PRICKLE2: variants seen among roughly 807,000 people sequenced by gnomAD.
PRICKLE2 encodes prickle-like protein 2.
Under a neutral mutation model 81.4 loss-of-function variants are expected in PRICKLE2, and 21 were observed. The observed-to-expected ratio is 0.26, with a 90% confidence interval of 0.18 to 0.37. The LOEUF (loss-of-function observed/expected upper bound fraction) is 0.37, where lower values mean the gene tolerates loss of function less well. Ranked by LOEUF, PRICKLE2 falls within the 10% of genes least tolerant of loss-of-function variation. The pLI is 1.00. For synonymous variants in PRICKLE2, 456 were observed against 421.5 expected (o/e 1.08, Z -1.00); for missense variants, 940 against 1,109.0 (o/e 0.85, Z 2.16).
intron 7 of PRICKLE2, among the ~76,000 whole-genome samples, chr3:64,107,449 T>C (rs778293226): frequency 2.6e-5 from 4 of 152,162 alleles, no homozygotes; most frequent in Admixed American, 1.3e-4. Context: ...AAGACTAAGA[T>C]TGAACGGCAG....
chr3:64,263,165 G>T (rs1457451391), intron 2 of PRICKLE2, among the ~76,000 whole-genome samples: 1 of 152,138 alleles, frequency 6.6e-6, no homozygotes, highest in African/African-American at 2.4e-5. Context: ...CACCAAACAG[G>T]TATTCCCAAT....
intron 7 of PRICKLE2, among the ~76,000 whole-genome samples, chr3:64,143,137 A>G (rs1397999549): frequency 1.3e-5 from 2 of 152,226 alleles, no homozygotes; most frequent in Non-Finnish European, 2.9e-5. Flanking sequence ...CTCTAGCCAC[A>G]GGAGGCTATT....
At chr3:64,111,011 T>C (rs1431003383) in intron 7 of PRICKLE2, among the ~76,000 whole-genome samples, 1 of 123,988 alleles carries the variant, frequency 8.1e-6, no homozygotes. Context: ...GCTGGCAAAA[T>C]TATAAAAAGT....
rs552291140 is a variant in PRICKLE2 at position 64,149,243 on chromosome 3, C to T, written c.788-1541G>A. ...CACCATTTCCCTGCCATCTTCAGGC[C>T]GTGAGCTTTGGGTGGGGCAAAAGCT... On this transcript the variant is annotated intron_variant, in intron 6 of 7. Coordinates refer to ENST00000638394, the MANE Select transcript of PRICKLE2 (RefSeq NM_198859.4). Among the ~76,000 whole-genome samples, 12 of 152,270 alleles carry T rather than the reference C, an allele frequency of 7.9e-5. No individual in the cohort carries two copies. The East Asian group carries it at 1.2e-3, about 15-fold the overall frequency.
intron 7 of PRICKLE2, among the ~76,000 whole-genome samples, chr3:64,136,904 C>A (rs2077288243): frequency 6.6e-6 from 1 of 152,108 alleles, no homozygotes; most frequent in Non-Finnish European, 1.5e-5. Flanking sequence ...TGTGGTAACA[C>A]CCATTCAATT....
intron 7 of PRICKLE2, among the ~76,000 whole-genome samples, chr3:64,126,610 C>T (rs2077110942): frequency 6.6e-6 from 1 of 151,968 alleles, no homozygotes. Context: ...CGGAGTCTTG[C>T]TCTGTTGCCC....
At chr3:64,203,194 G>C (rs977169449) in intron 1 of PRICKLE2, among the ~76,000 whole-genome samples, 1 of 152,106 alleles carries the variant, frequency 6.6e-6, no homozygotes, top group Non-Finnish European at 1.5e-5. Context: ...GCACACCTTG[G>C]ATCTCGTTTG....
chr3:64,245,982 C>T (rs2079344619), intron 2 of PRICKLE2, among the ~76,000 whole-genome samples: 1 of 152,166 alleles, frequency 6.6e-6, no homozygotes, highest in African/African-American at 2.4e-5. Context: ...TGGTGGCTCA[C>T]ACTTGTAATC....
chr3:64,225,528 C>T (rs1020799766), upstream of PRICKLE2: 6 of 808,636 alleles, frequency 7.4e-6, no homozygotes, highest in East Asian at 3.7e-4. Context: ...GGCATCTGGA[C>T]GTCCCATCCT....
At chr3:64,171,019 A>G (rs1237581607) in intron 2 of PRICKLE2, among the ~76,000 whole-genome samples, 3 of 152,054 alleles carry the variant, frequency 2.0e-5, no homozygotes, top group African/African-American at 7.2e-5. Context: ...AACCTGGCTG[A>G]CTCTGTCTCT....
chr3:64,153,632 C>T (rs2077580666), intron 5 of PRICKLE2: 2 of 453,852 alleles, frequency 4.4e-6, no homozygotes, highest in Non-Finnish European at 8.0e-6. Context: ...GAATGTTCTA[C>T]CCTGGAGAAT....
At position 64,134,942 on chromosome 3, in the gene PRICKLE2, G is replaced by A. The variant is rs116506016; in HGVS notation, c.1660+11888C>T. Among the ~76,000 whole-genome samples, 953 of 152,270 alleles carry A rather than the reference G, an allele frequency of 6.3e-3. 11 individuals carry two copies. The highest frequency in any genetic ancestry group is 0.021 in the African/African-American group (888 of 41,536). ...AAAATTGGCACCTTTGATTTCAAAG[G>A]CAGCCACTGGGAAGTCTGCTGCTGC... On this transcript the variant is annotated intron_variant, in intron 7 of 7. Coordinates refer to ENST00000638394, the MANE Select transcript of PRICKLE2 (RefSeq NM_198859.4).
chr3:64,164,881 C>T (rs1034513039), intron 2 of PRICKLE2, among the ~76,000 whole-genome samples: 1 of 152,202 alleles, frequency 6.6e-6, no homozygotes, highest in African/African-American at 2.4e-5. Context: ...GAGACTTGCA[C>T]AGCATTCCAT....
chr3:64,255,322 G>A (rs2079510836), intron 2 of PRICKLE2, among the ~76,000 whole-genome samples: 1 of 152,218 alleles, frequency 6.6e-6, no homozygotes, highest in African/African-American at 2.4e-5. Flanking sequence ...ATGTTTAGGA[G>A]TGATCAGGAG....
chr3:64,150,186 G>A (rs995187641), intron 6 of PRICKLE2, among the ~76,000 whole-genome samples: 3 of 151,994 alleles, frequency 2.0e-5, no homozygotes, highest in African/African-American at 4.8e-5. Context: ...TCAGGACTCT[G>A]ATGAACACAG....
chr3:64,182,742 C>G (rs2078157427), intron 2 of PRICKLE2: 1 of 152,040 alleles, frequency 6.6e-6, no homozygotes, highest in Non-Finnish European at 1.5e-5. Context: ...ACAAAACAGA[C>G]TAAGACAAGT....
In PRICKLE2 at chr3:64,099,762, C is replaced by T. The variant is rs1464582740; in HGVS notation, c.1824G>A (p.Leu608=). ...QFRSAESVRS[L]LSAQQYQEME... ...TCTCCTGGTACTGCTGGGCAGAGAG[C>T]AGGCTGCGAACTGACTCTGCGCTCC... The change falls in exon 8 of 8, where the codon CTG becomes CTA. Residue 608 remains leucine (L), a synonymous_variant. Coordinates refer to ENST00000638394, the MANE Select transcript of PRICKLE2 (RefSeq NM_198859.4). The surrounding 1 kb of genome is among the most constrained non-coding windows in gnomAD (Gnocchi z 4.3). 1.2e-6 allele frequency: 2 copies of T among 1,614,188 alleles called. 1 individual carries two copies. Among genetic ancestry groups the T allele is most frequent in the Admixed American group, 3.3e-5 (2 of 60,030 alleles).
rs2077473473 is a variant in PRICKLE2 at position 64,147,350 on chromosome 3, G to A, written c.1140C>T (p.Ser380=). The change falls in exon 7 of 8, where the codon AGC becomes AGT. Residue 380 remains serine, a synonymous_variant. Transcript: ENST00000638394. This position sits in a 1 kb window ranked among gnomAD's most constrained non-coding sequence, Gnocchi z 5.0. The stretch of plus-strand genomic sequence containing the variant: ...TGAGGCTGGGTGTCTGGCTGGACAG[G>A]CTGAGCATGTCCATCTGCAGTGACA... ...DPLSLQMDML[S]LSSQTPSLNR... is the part of the protein sequence containing the mutation. The A allele has an allele frequency of 6.2e-7, 1 of 1,614,176 alleles. No homozygotes were observed. Among genetic ancestry groups the A allele is most frequent in the Non-Finnish European group, 8.5e-7 (1 of 1,180,030 alleles).
chr3:64,264,930 A>C (rs2079675782), intron 2 of PRICKLE2, among the ~76,000 whole-genome samples: 1 of 152,132 alleles, frequency 6.6e-6, no homozygotes, highest in Non-Finnish European at 1.5e-5. Flanking sequence ...GTCAAATATG[A>C]AGCAATTCTC....
Sources: gnomAD v4.1 joint callset for allele counts (sites outside exome capture counted in the v4.1 genomes callset) on GRCh38, gnomAD v4.1.1 for gene constraint, Gnocchi (gnomAD v3.1) non-coding constraint, MANE v1.5 for transcripts, NCBI Gene and HGNC (gene_info 2026-07-23, HGNC 2026-07-21) for gene names.